MARCHF1: variants seen among roughly 807,000 people sequenced by gnomAD.
MARCHF1 encodes the protein membrane associated ring-CH-type finger 1.
Under a neutral mutation model 54.2 loss-of-function variants are expected in MARCHF1, and 40 were observed. The ratio of observed to expected loss-of-function variants is 0.74; its 90% CI spans 0.57 to 0.96. The LOEUF is 0.96. Among genes scored for constraint, MARCHF1 ranks in the 40% least tolerant of loss-of-function variants. The pLI is 0.00. For synonymous variants in MARCHF1, 236 were observed against 236.3 expected (o/e 1.00, Z 0.01); for missense variants, 586 against 656.5 (o/e 0.89, Z 1.17).
At chr4:163,866,831 C>A (rs1300377963) in intron 3 of MARCHF1, among the ~76,000 whole-genome samples, 1 of 151,702 alleles carries the variant, frequency 6.6e-6, no homozygotes, top group African/African-American at 2.4e-5. Context: ...GTTAGAACTA[C>A]CCAAAGAAAA....
At chr4:163,655,585 C>CA (rs1743109674) in intron 5 of MARCHF1, among the ~76,000 whole-genome samples, 1 of 151,802 alleles carries the variant, frequency 6.6e-6, no homozygotes, top group Admixed American at 6.6e-5. Flanking sequence ...ACTCTCTACC[C>CA]AAAACAACAG....
chr4:164,202,993 AAGAG>A (rs113576749), intron 1 of MARCHF1, among the ~76,000 whole-genome samples: 21 of 149,624 alleles, frequency 1.4e-4, no homozygotes, highest in African/African-American at 1.9e-4. Flanking sequence ...GAAAGGGAGA[AAGAG>A]AGAGAGAGAG....
intron 3 of MARCHF1, among the ~76,000 whole-genome samples, chr4:163,913,721 A>G (rs1451736991): frequency 6.6e-6 from 1 of 152,208 alleles, no homozygotes; most frequent in Non-Finnish European, 1.5e-5. Context: ...TGAAGCTGGC[A>G]AAACCCCAAT....
At chr4:163,789,866 C>T (rs1747726301) in intron 4 of MARCHF1, among the ~76,000 whole-genome samples, 1 of 151,988 alleles carries the variant, frequency 6.6e-6, no homozygotes, top group African/African-American at 2.4e-5. Flanking sequence ...GTAGAAGTTT[C>T]AGAATGCCAT....
chr4:164,054,694 C>G (rs1205905235), intron 2 of MARCHF1, among the ~76,000 whole-genome samples: 1 of 145,490 alleles, frequency 6.9e-6, no homozygotes, highest in Non-Finnish European at 1.5e-5. Flanking sequence ...AACCAAACAC[C>G]GCATATTCTC....
At chr4:164,175,730 C>T (rs980900517) in intron 1 of MARCHF1, among the ~76,000 whole-genome samples, 5 of 152,112 alleles carry the variant, frequency 3.3e-5, no homozygotes, top group African/African-American at 4.8e-5. Context: ...GACTGAAGAC[C>T]GCAGCACTGA....
intron 9 of MARCHF1, among the ~76,000 whole-genome samples, chr4:163,544,711 T>C (rs78440636): frequency 3.5e-5 from 1 of 28,812 alleles, no homozygotes; most frequent in East Asian, 8.2e-4. Flanking sequence ...ACCTCCTCTC[T>C]TTTTTTGTTC....
chr4:163,555,572 A>T (rs1002231139), intron 8 of MARCHF1, among the ~76,000 whole-genome samples: 16 of 152,192 alleles, frequency 1.1e-4, no homozygotes, highest in African/African-American at 3.4e-4. Context: ...ATGGTGAAAG[A>T]TATTTTATCA....
chr4:163,986,205 C>G (rs1020310576), intron 3 of MARCHF1, among the ~76,000 whole-genome samples: 1 of 143,674 alleles, frequency 7.0e-6, no homozygotes, highest in Non-Finnish European at 1.5e-5. Flanking sequence ...AGAAATTATA[C>G]GAAGGCTCAG....
chr4:163,696,588 C>G (rs993640270), intron 5 of MARCHF1, among the ~76,000 whole-genome samples: 1 of 152,078 alleles, frequency 6.6e-6, no homozygotes, highest in African/African-American at 2.4e-5. Context: ...GATTGTATGA[C>G]CTTTATGACT....
At chr4:163,952,535 T>C (rs188231419) in intron 3 of MARCHF1, among the ~76,000 whole-genome samples, 1 of 152,252 alleles carries the variant, frequency 6.6e-6, no homozygotes, top group East Asian at 1.9e-4. Flanking sequence ...ATGCATACCA[T>C]ACAACAAAAA....
At chr4:164,282,685 C>T (rs1734054818) in intron 1 of MARCHF1, among the ~76,000 whole-genome samples, 1 of 151,140 alleles carries the variant, frequency 6.6e-6, no homozygotes. Flanking sequence ...CCCACTTGAA[C>T]AAAAAGGAAA....
chr4:163,879,333 A>G (rs1750363583), intron 3 of MARCHF1, among the ~76,000 whole-genome samples: 1 of 152,216 alleles, frequency 6.6e-6, no homozygotes, highest in Non-Finnish European at 1.5e-5. Context: ...CTAGTAATAC[A>G]AGCTAATTAT....
At chr4:163,830,647 C>T (rs768871603) in intron 4 of MARCHF1, among the ~76,000 whole-genome samples, 9 of 152,146 alleles carry the variant, frequency 5.9e-5, no homozygotes, top group East Asian at 3.9e-4. Flanking sequence ...GCCACAGTGG[C>T]GCATGTCTGT....
intron 2 of MARCHF1, among the ~76,000 whole-genome samples, chr4:164,092,055 C>A (rs1332003248): frequency 6.6e-6 from 1 of 152,064 alleles, no homozygotes; most frequent in Non-Finnish European, 1.5e-5. Context: ...TGCAAACAAT[C>A]AACAAGGTCT....
At chr4:164,082,054 C>T (rs1047159626) in intron 2 of MARCHF1, among the ~76,000 whole-genome samples, 3 of 152,184 alleles carry the variant, frequency 2.0e-5, no homozygotes, top group East Asian at 3.9e-4. Context: ...GCAACTTACT[C>T]ATGTATTAGT....
chr4:163,544,689 T>C (rs1434010919), intron 9 of MARCHF1, among the ~76,000 whole-genome samples: 2 of 144,482 alleles, frequency 1.4e-5, no homozygotes, highest in Non-Finnish European at 3.0e-5. Context: ...CCTCCTTATT[T>C]ATATTTTTCT....
chr4:163,578,726 C>G (rs1343353880), intron 8 of MARCHF1, among the ~76,000 whole-genome samples: 1 of 152,134 alleles, frequency 6.6e-6, no homozygotes. Flanking sequence ...TTTGAATTGC[C>G]TGTACCATTT....
intron 3 of MARCHF1, among the ~76,000 whole-genome samples, chr4:163,955,369 CAAAA>C (rs79667612): frequency 1.1e-5 from 1 of 93,832 alleles, no homozygotes. Flanking sequence ...AAAAACAAAG[CAAAA>C]AAAAAAAAAA....
Sources: allele counts gnomAD v4.1 joint callset (sites outside exome capture counted in the v4.1 genomes callset), GRCh38; gene constraint gnomAD v4.1.1; transcripts MANE v1.5; gene names NCBI Gene and HGNC (gene_info 2026-07-23, HGNC 2026-07-21).